Variants in DENND1B observed in about 807,000 individuals in gnomAD.
The protein encoded by DENND1B is DENN domain containing 1B.
A neutral mutation model predicts 90.1 loss-of-function variants in DENND1B; 59 were observed. The ratio of observed to expected loss-of-function variants is 0.65; its 90% CI spans 0.53 to 0.81. DENND1B has a LOEUF of 0.81. DENND1B is among the 40% of genes least tolerant of loss of function. DENND1B has a pLI of 0.00. For synonymous variants in DENND1B, 337 were observed against 324.6 expected, an observed-to-expected ratio of 1.04 and a Z score of -0.41; for missense variants, 862 against 912.6, an observed-to-expected ratio of 0.94 and a Z score of 0.71.
At chr1:197,655,745 G>A (rs1176210242) in intron 6 of DENND1B, among the ~76,000 whole-genome samples, 1 of 152,068 alleles carries the variant, frequency 6.6e-6, no homozygotes, top group Non-Finnish European at 1.5e-5. Context: ...TGTGAGCCAG[G>A]ATGGTCTCGA....
intron 16 of DENND1B, among the ~76,000 whole-genome samples, chr1:197,548,753 A>G (rs1385760027): frequency 6.6e-6 from 1 of 152,102 alleles, no homozygotes; most frequent in African/African-American, 2.4e-5. Flanking sequence ...ACCCAAAGCA[A>G]TTATATTTGA....
chr1:197,634,768 T>G (rs942588968), intron 10 of DENND1B, among the ~76,000 whole-genome samples: 20 of 152,126 alleles, frequency 1.3e-4, no homozygotes, highest in African/African-American at 4.8e-4. Flanking sequence ...GCAGGAGTGT[T>G]GCTTGAGCCC....
At chr1:197,751,641 C>T (rs1417212891) in intron 2 of DENND1B, among the ~76,000 whole-genome samples, 5 of 151,906 alleles carry the variant, frequency 3.3e-5, no homozygotes, top group African/African-American at 4.8e-5. Flanking sequence ...GTCAGGAGTT[C>T]GAGACTAGCC....
intron 10 of DENND1B, among the ~76,000 whole-genome samples, chr1:197,642,231 C>G (rs928839424): frequency 1.3e-5 from 2 of 152,082 alleles, no homozygotes; most frequent in Non-Finnish European, 2.9e-5. Context: ...AAGTTATTAT[C>G]AGCCCAAAGA....
chr1:197,746,770 T>C (rs1663796073), intron 2 of DENND1B: 4 of 1,461,468 alleles, frequency 2.7e-6, no homozygotes, highest in African/African-American at 1.4e-5. Context: ...CCATGTCACT[T>C]TGGGTTTCCC....
At chr1:197,736,020 T>A in intron 2 of DENND1B, 4 of 977,360 alleles carry the variant, frequency 4.1e-6, no homozygotes, top group Non-Finnish European at 6.4e-6. Flanking sequence ...CTGCAATGGC[T>A]GCTGTTAAGG....
intron 16 of DENND1B, among the ~76,000 whole-genome samples, chr1:197,547,173 C>A (rs1200166101): frequency 6.6e-6 from 1 of 152,126 alleles, no homozygotes; most frequent in Non-Finnish European, 1.5e-5. Context: ...AAGGCTGTGG[C>A]CAGGGCACTG....
rs1558177757 is a variant in DENND1B, at chr1:197,505,139, T to C, written c.*5321A>G. The C allele has an allele frequency of 6.6e-6, 1 of 151,792 alleles. No homozygotes were observed. The highest frequency in any genetic ancestry group is 2.1e-4 in the South Asian group (1 of 4,834). The allele number at this position is 151,792 out of a possible 1,614,324, so 9.4% of individuals were successfully genotyped here. A position where few individuals can be genotyped will look rare whatever the true frequency, so the allele number is the denominator to read the frequency against. ...TATGTTGTAGGACTCAGGCAGTTCATATTAGTTGCTGTTTTAGGCACTGCT... is the reference window on the plus strand; with the variant it reads ...TATGTTGTAGGACTCAGGCAGTTCACATTAGTTGCTGTTTTAGGCACTGCT... On this transcript the variant is annotated 3_prime_UTR_variant, in exon 23 of 23. Coordinates refer to ENST00000620048, the MANE Select transcript of DENND1B (RefSeq NM_001195215.2).
At chr1:197,552,593 T>A (rs1389215891) in intron 16 of DENND1B, 9 of 988,944 alleles carry the variant, frequency 9.1e-6, no homozygotes, top group Non-Finnish European at 9.6e-6. Context: ...CTTAAATATG[T>A]ATAAAGAATT....
chr1:197,734,589 T>G (rs1662462092), intron 2 of DENND1B: 3 of 982,564 alleles, frequency 3.1e-6, no homozygotes, highest in Admixed American at 6.2e-5. Flanking sequence ...CTTTCAAAAT[T>G]GACTGCAATA....
chr1:197,774,610 A>C (rs1177547101), intron 1 of DENND1B: 2 of 152,472 alleles, frequency 1.3e-5, no homozygotes, highest in Non-Finnish European at 2.9e-5. Flanking sequence ...AACACCAGAG[A>C]CCAATCTAAT....
intron 9 of DENND1B, among the ~76,000 whole-genome samples, chr1:197,644,797 G>A (rs910553476): frequency 6.6e-6 from 1 of 152,026 alleles, no homozygotes; most frequent in African/African-American, 2.4e-5. Context: ...ACATGCTTTT[G>A]GAAACCAAAC....
At chr1:197,779,583 C>T (rs566931515), upstream of DENND1B, among the ~76,000 whole-genome samples, 185 of 152,028 alleles carry the variant, frequency 1.2e-3, 1 homozygote, top group Admixed American at 3.8e-3. Flanking sequence ...TATCTGTCTA[C>T]GCTGTATTCT....
intron 20 of DENND1B, among the ~76,000 whole-genome samples, chr1:197,523,931 T>C (rs375243019): frequency 4.4e-5 from 6 of 137,236 alleles, no homozygotes; most frequent in East Asian, 4.3e-4. Flanking sequence ...GATGGAACGA[T>C]AGCAGAGAAA....
At chr1:197,633,302 A>G (rs1289733522) in intron 10 of DENND1B, among the ~76,000 whole-genome samples, 1 of 152,210 alleles carries the variant, frequency 6.6e-6, no homozygotes, top group African/African-American at 2.4e-5. Context: ...GAGGCTGAGT[A>G]TCCAAAGGGG....
intron 2 of DENND1B, among the ~76,000 whole-genome samples, chr1:197,766,116 T>C (rs1028033299): frequency 6.6e-6 from 1 of 152,210 alleles, no homozygotes; most frequent in African/African-American, 2.4e-5. Flanking sequence ...TATTTTTTAA[T>C]AGAGATGGGA....
chr1:197,741,956 G>A (rs142979080), intron 2 of DENND1B, among the ~76,000 whole-genome samples: 26 of 152,164 alleles, frequency 1.7e-4, no homozygotes, highest in Non-Finnish European at 3.4e-4. Flanking sequence ...AATGAGGATA[G>A]CTACTGAACC....
chr1:197,650,385 G>A (rs569003498), intron 7 of DENND1B, among the ~76,000 whole-genome samples: 32 of 152,112 alleles, frequency 2.1e-4, no homozygotes, highest in African/African-American at 6.7e-4. Context: ...GCCTGGATGC[G>A]GTGATCAAAG....
chr1:197,716,764 A>T (rs1206815520), intron 2 of DENND1B, among the ~76,000 whole-genome samples: 1 of 151,974 alleles, frequency 6.6e-6, no homozygotes, highest in East Asian at 1.9e-4. Context: ...GAATATTTAA[A>T]ATCTCCCTTT....
Sources: gnomAD v4.1 joint callset for allele counts (sites outside exome capture counted in the v4.1 genomes callset) on GRCh38, gnomAD v4.1.1 for gene constraint, MANE v1.5 for transcripts, NCBI Gene and HGNC (gene_info 2026-07-23, HGNC 2026-07-21) for gene names.